Variants in CCDC171 observed in about 807,000 individuals in gnomAD.
CCDC171 encodes the protein coiled-coil domain containing 171, also known as coiled-coil domain-containing protein 171.
CCDC171 carries 177 observed loss-of-function variants against 168.2 expected under a neutral mutation model. The ratio of observed to expected loss-of-function variants is 1.05; its 90% CI spans 0.93 to 1.19. CCDC171 has a LOEUF of 1.19. Among genes scored for constraint, CCDC171 ranks in the 50% most tolerant of loss-of-function variants. The pLI is 0.00. For missense variants in CCDC171, 1,991 were observed against 1,539.0 expected (o/e 1.29, Z -4.91); for synonymous variants, 687 against 540.8 (o/e 1.27, Z -3.75).
intron 21 of CCDC171, among the ~76,000 whole-genome samples, chr9:15,843,924 G>A (rs2060793522): frequency 6.6e-6 from 1 of 152,056 alleles, no homozygotes; most frequent in African/African-American, 2.4e-5. Context: ...TGATTATCTC[G>A]CTGTTCCAGG....
intron 7 of CCDC171, among the ~76,000 whole-genome samples, chr9:15,633,353 C>G (rs571651695): frequency 2.6e-5 from 4 of 152,010 alleles, no homozygotes; most frequent in Admixed American, 6.6e-5. Flanking sequence ...CCATCAAAAA[C>G]GGGGCAAAGG....
intron 3 of CCDC171, among the ~76,000 whole-genome samples, chr9:15,985,214 AT>A (rs1368653799): frequency 2.6e-5 from 4 of 152,198 alleles, no homozygotes; most frequent in Non-Finnish European, 5.9e-5. Flanking sequence ...GCAAATGGAA[AT>A]AACCTTACTT....
intron 18 of CCDC171, among the ~76,000 whole-genome samples, chr9:15,749,665 A>C (rs982343573): frequency 1.3e-5 from 2 of 152,214 alleles, no homozygotes; most frequent in Non-Finnish European, 2.9e-5. Flanking sequence ...AGGATTAAGA[A>C]ACTCACTCTA....
At chr9:16,029,471 C>T (rs376576210) in intron 6 of CCDC171, among the ~76,000 whole-genome samples, 6 of 152,136 alleles carry the variant, frequency 3.9e-5, no homozygotes, top group Non-Finnish European at 8.8e-5. Flanking sequence ...GCTGTGTGGC[C>T]ACATCTGGGC....
chr9:15,922,472 C>T lies in CCDC171; in HGVS notation c.3753+2050C>T, dbSNP rs540810792. ...AGAGCATGGGCTTTGGAGGTATATC[C>T]ATTAGGAATACTATCAGGTGTAAAT... On this transcript the variant is annotated intron_variant, in intron 25 of 25. Coordinates refer to ENST00000380701, the MANE Select transcript of CCDC171 (RefSeq NM_173550.4). 4.6e-5 allele frequency among the ~76,000 whole-genome samples: 7 copies of T among 151,596 alleles called. No homozygotes were observed. The East Asian group carries it at 1.2e-3, about 25-fold the overall frequency.
chr9:15,877,361 A>G (rs1817980827), intron 24 of CCDC171, among the ~76,000 whole-genome samples: 1 of 152,160 alleles, frequency 6.6e-6, no homozygotes, highest in South Asian at 2.1e-4. Flanking sequence ...GAAGTAAGCA[A>G]CAGTAGCTTG....
intron 3 of CCDC171, among the ~76,000 whole-genome samples, chr9:15,575,230 A>G (rs1175840114): frequency 7.8e-6 from 1 of 128,482 alleles, no homozygotes; most frequent in Non-Finnish European, 1.5e-5. Context: ...CAATGGTGTG[A>G]TCTTGGCTCA....
At chr9:15,903,768 A>G (rs1822075675) in intron 24 of CCDC171, among the ~76,000 whole-genome samples, 1 of 152,194 alleles carries the variant, frequency 6.6e-6, no homozygotes, top group Non-Finnish European at 1.5e-5. Context: ...CAAAGAAGTT[A>G]AAAACCTTGA....
chr9:16,057,061 A>C (rs967151295), intron 1 of CCDC171, among the ~76,000 whole-genome samples: 2 of 152,238 alleles, frequency 1.3e-5, no homozygotes, highest in Admixed American at 6.5e-5. Flanking sequence ...GTTTAAGAAG[A>C]AACAATAACC....
chr9:15,857,912 C>T (rs2061407822), intron 23 of CCDC171, among the ~76,000 whole-genome samples: 1 of 151,598 alleles, frequency 6.6e-6, no homozygotes, highest in Non-Finnish European at 1.5e-5. Context: ...CAATACCATA[C>T]TGTTTTAATT....
At position 15,654,869 on chromosome 9, in the gene CCDC171, C is replaced by G. The variant is rs555630725; in HGVS notation, c.823-2258C>G. Among the ~76,000 whole-genome samples, 13 of 152,228 alleles carry G rather than the reference C, an allele frequency of 8.5e-5. No individual in the cohort carries two copies. The East Asian group carries it at 2.5e-3, about 29-fold the overall frequency. On this transcript the variant is annotated intron_variant, in intron 7 of 25. Coordinates refer to ENST00000380701, the MANE Select transcript of CCDC171 (RefSeq NM_173550.4). ...AGTGAAGGATATGAACAGATGAGTT[C>G]ATGTCCTTTGTAGGGACATGGATGA...
intron 11 of CCDC171, among the ~76,000 whole-genome samples, chr9:15,705,091 G>GACACACAC (rs3082789): frequency 0.031 from 4,539 of 147,720 alleles, 147 homozygotes; most frequent in East Asian, 0.12. Context: ...GTATCCTTAC[G>GACACACAC]ACACACACAC....
At chr9:15,954,919 A>G (rs1207070154) in intron 25 of CCDC171, among the ~76,000 whole-genome samples, 2 of 152,046 alleles carry the variant, frequency 1.3e-5, no homozygotes, top group South Asian at 2.1e-4. Flanking sequence ...ACCTGCCATC[A>G]AATCTTCTTC....
At chr9:15,870,997 A>G (rs948800970) in intron 23 of CCDC171, among the ~76,000 whole-genome samples, 8 of 151,184 alleles carry the variant, frequency 5.3e-5, no homozygotes, top group African/African-American at 1.7e-4. Context: ...ACTTTTTAGA[A>G]AGTTTTATTT....
At chr9:15,963,630 C>G (rs1830546326) in intron 25 of CCDC171, among the ~76,000 whole-genome samples, 1 of 152,142 alleles carries the variant, frequency 6.6e-6, no homozygotes, top group South Asian at 2.1e-4. Flanking sequence ...GAAAAGTCAT[C>G]TTTAATTGGG....
intron 2 of CCDC171, among the ~76,000 whole-genome samples, chr9:15,565,160 T>C (rs1423245063): frequency 6.7e-6 from 1 of 150,366 alleles, no homozygotes; most frequent in Admixed American, 6.7e-5. Flanking sequence ...ATGATCTTGG[T>C]TCCCTGCAAC....
At chr9:15,861,995 T>G (rs1225800506) in intron 23 of CCDC171, among the ~76,000 whole-genome samples, 1 of 151,966 alleles carries the variant, frequency 6.6e-6, no homozygotes, top group Non-Finnish European at 1.5e-5. Context: ...AAGGGCAGTT[T>G]TGCCAGGTAT....
chr9:15,601,537 C>G (rs1478620928), intron 6 of CCDC171, among the ~76,000 whole-genome samples: 2 of 152,194 alleles, frequency 1.3e-5, no homozygotes, highest in East Asian at 3.8e-4. Flanking sequence ...CATTCATTCT[C>G]TAAGTACTTA....
chr9:15,784,888 C>G (rs1226990228), intron 21 of CCDC171, among the ~76,000 whole-genome samples, 194 bp downstream of exon 21: 1 of 152,062 alleles, frequency 6.6e-6, no homozygotes, highest in Non-Finnish European at 1.5e-5. Flanking sequence ...TAAAAGTAGG[C>G]TTTACTTGCT....
Sources: allele counts gnomAD v4.1 joint callset (sites outside exome capture counted in the v4.1 genomes callset), GRCh38; gene constraint gnomAD v4.1.1; transcripts MANE v1.5; gene names NCBI Gene and HGNC (gene_info 2026-07-23, HGNC 2026-07-21).